The following KIAA0040 variants were observed in gnomAD, a reference collection of about 807,000 sequenced individuals.
KIAA0040 encodes KIAA0040.
KIAA0040 carries 10 observed loss-of-function variants against 7.2 expected under a neutral mutation model. The ratio of observed to expected loss-of-function variants is 1.38; its 90% CI spans 0.85 to 2.34. The LOEUF is 2.34. Among genes scored for constraint, KIAA0040 ranks in the 30% most tolerant of loss-of-function variants. The pLI is 0.00. For synonymous variants in KIAA0040, 49 were observed against 40.1 expected (o/e 1.22, Z -0.84); for missense variants, 89 against 108.2 (o/e 0.82, Z 0.79).
chr1:175,176,593 G>A (rs1348043313), intron 2 of KIAA0040: 1 of 142,256 alleles, frequency 7.0e-6, no homozygotes, highest in African/African-American at 2.5e-5. Flanking sequence ...AATAATGGTT[G>A]ATGAATGCAG....
At chr1:175,190,898 C>T (rs1677842728) in intron 1 of KIAA0040, among the ~76,000 whole-genome samples, 1 of 152,194 alleles carries the variant, frequency 6.6e-6, no homozygotes, top group African/African-American at 2.4e-5. Context: ...CCCTACCTGC[C>T]ATTGACTTTG....
At chr1:175,170,977 T>A (rs1676969203) in intron 2 of KIAA0040, among the ~76,000 whole-genome samples, 1 of 152,210 alleles carries the variant, frequency 6.6e-6, no homozygotes, top group Non-Finnish European at 1.5e-5. Flanking sequence ...TCTGGTACTC[T>A]CTTCTCTCCC....
At chr1:175,182,525 C>G (rs573252615) in intron 1 of KIAA0040, among the ~76,000 whole-genome samples, 1 of 152,298 alleles carries the variant, frequency 6.6e-6, no homozygotes, top group Admixed American at 6.5e-5. Context: ...AAGCCTAGAT[C>G]GGTCCGTGGT....
At chr1:175,163,567 G>A (rs548972306) in intron 3 of KIAA0040, among the ~76,000 whole-genome samples, 7 of 152,262 alleles carry the variant, frequency 4.6e-5, no homozygotes, top group South Asian at 4.1e-4. Flanking sequence ...TCTAAGCCCC[G>A]GTGATGCTGT....
intron 1 of KIAA0040, among the ~76,000 whole-genome samples, chr1:175,189,264 A>G (rs1251400830): frequency 1.3e-5 from 2 of 152,214 alleles, no homozygotes. Flanking sequence ...AAAAATCACA[A>G]ATATACCCAA....
intron 1 of KIAA0040, among the ~76,000 whole-genome samples, chr1:175,180,593 CA>C (rs1173055341): frequency 1.3e-5 from 2 of 152,134 alleles, no homozygotes; most frequent in Non-Finnish European, 2.9e-5. Context: ...GCTCAAATAC[CA>C]GGTATTCTTG....
At chr1:175,190,006 C>A (rs1208989221) in intron 1 of KIAA0040, among the ~76,000 whole-genome samples, 1 of 152,158 alleles carries the variant, frequency 6.6e-6, no homozygotes, top group African/African-American at 2.4e-5. Context: ...CTGTAGGGGT[C>A]TGAAATTAGT....
intron 1 of KIAA0040, among the ~76,000 whole-genome samples, chr1:175,180,054 C>A (rs758149953): frequency 1.3e-5 from 2 of 152,190 alleles, no homozygotes; most frequent in Non-Finnish European, 2.9e-5. Context: ...CTGTAGCTCT[C>A]TCTCACCCCA....
upstream of KIAA0040, chr1:175,192,798 G>A (rs533617046): frequency 3.3e-5 from 5 of 150,290 alleles, no homozygotes; most frequent in Admixed American, 2.7e-4. Flanking sequence ...CCCCGGCGCC[G>A]GCCAAGGTCG....
chr1:175,174,818 T>TATATATAC (rs3835505), intron 2 of KIAA0040, among the ~76,000 whole-genome samples: 4 of 151,778 alleles, frequency 2.6e-5, no homozygotes, highest in African/African-American at 7.3e-5. Flanking sequence ...TATATATATA[T>TATATATAC]ACACATACAT....
chr1:175,187,579 T>C (rs1445143666), intron 1 of KIAA0040, among the ~76,000 whole-genome samples: 1 of 152,178 alleles, frequency 6.6e-6, no homozygotes, highest in African/African-American at 2.4e-5. Flanking sequence ...TGACTCAGAG[T>C]GCAGCATTCT....
chr1:175,164,554 T>C (rs1189847792), intron 3 of KIAA0040, among the ~76,000 whole-genome samples: 1 of 139,706 alleles, frequency 7.2e-6, no homozygotes. Context: ...GCACCTAAAA[T>C]GGCCTTTGAA....
intron 2 of KIAA0040, among the ~76,000 whole-genome samples, chr1:175,171,193 C>T (rs996595115): frequency 2.6e-5 from 4 of 152,184 alleles, no homozygotes; most frequent in Admixed American, 6.5e-5. Context: ...TATCTAATGT[C>T]GCCCAACCCC....
At chr1:175,189,281 G>T (rs1480081105) in intron 1 of KIAA0040, among the ~76,000 whole-genome samples, 3 of 152,200 alleles carry the variant, frequency 2.0e-5, no homozygotes, top group African/African-American at 7.2e-5. Flanking sequence ...CCAAGTCATT[G>T]ACTAATGCTC....
intron 2 of KIAA0040, among the ~76,000 whole-genome samples, chr1:175,168,432 T>G (rs1209513624): frequency 2.6e-5 from 4 of 152,190 alleles, no homozygotes; most frequent in Non-Finnish European, 4.4e-5. Context: ...ATATTCAGTA[T>G]TAAAGGAAAA....
chr1:175,173,772 A>G (rs1417536457), intron 2 of KIAA0040, among the ~76,000 whole-genome samples: 1 of 152,214 alleles, frequency 6.6e-6, no homozygotes, highest in Non-Finnish European at 1.5e-5. Context: ...AAACACGTTG[A>G]AGAGAAGTGC....
chr1:175,183,702 C>T (rs1462474749), intron 1 of KIAA0040, among the ~76,000 whole-genome samples: 1 of 152,340 alleles, frequency 6.6e-6, no homozygotes, highest in Non-Finnish European at 1.5e-5. Context: ...CAGCCACAGC[C>T]TGAGCAGTGG....
At chr1:175,174,726 GA>G (rs1473002403) in intron 2 of KIAA0040, among the ~76,000 whole-genome samples, 10 of 152,138 alleles carry the variant, frequency 6.6e-5, no homozygotes, top group African/African-American at 2.4e-4. Flanking sequence ...TGGTTATTAG[GA>G]GCTACATTTC....
chr1:175,173,905 G>T (rs1463266465), intron 2 of KIAA0040, among the ~76,000 whole-genome samples: 1 of 152,140 alleles, frequency 6.6e-6, no homozygotes, highest in Admixed American at 6.5e-5. Context: ...TTATTTTTCT[G>T]CTTCCTTTGG....
Sources: gnomAD v4.1 joint callset for allele counts (sites outside exome capture counted in the v4.1 genomes callset) on GRCh38, gnomAD v4.1.1 for gene constraint, MANE v1.5 for transcripts, NCBI Gene and HGNC (gene_info 2026-07-23, HGNC 2026-07-21) for gene names.